The following SFXN5 variants were observed in gnomAD, a reference collection of about 807,000 sequenced individuals.
SFXN5 encodes sideroflexin-5.
A neutral mutation model predicts 50.2 loss-of-function variants in SFXN5; 43 were observed. That is an observed-to-expected ratio of 0.86 (90% CI 0.67 to 1.11). The LOEUF is 1.11. SFXN5 is among the 50% of genes least tolerant of loss of function. The probability of loss-of-function intolerance (pLI) is 0.00; values close to 1 mark genes in which losing one functional copy is unlikely to be tolerated. For missense variants in SFXN5, 463 were observed against 454.1 expected (o/e 1.02, Z -0.18); for synonymous variants, 203 against 185.8 (o/e 1.09, Z -0.75).
intron 13 of SFXN5, among the ~76,000 whole-genome samples, chr2:72,949,315 C>T (rs1412453745): frequency 6.6e-6 from 1 of 152,006 alleles, no homozygotes; most frequent in East Asian, 1.9e-4. Context: ...TGGACCATAA[C>T]CCAGCCTCTG....
intron 3 of SFXN5, among the ~76,000 whole-genome samples, chr2:73,030,936 A>T (rs1678227238): frequency 6.6e-6 from 1 of 152,222 alleles, no homozygotes; most frequent in Non-Finnish European, 1.5e-5. Flanking sequence ...AGAGTTTTTT[A>T]AAAATTCCTA....
chr2:72,995,197 G>A (rs1299163219), intron 9 of SFXN5, among the ~76,000 whole-genome samples: 1 of 152,198 alleles, frequency 6.6e-6, no homozygotes, highest in Non-Finnish European at 1.5e-5. Flanking sequence ...TGTAGCCGGG[G>A]CCCAGGGAGG....
intron 2 of SFXN5, among the ~76,000 whole-genome samples, chr2:73,047,355 GTATATATGTA>G (rs1285900881): frequency 3.5e-4 from 48 of 135,294 alleles, no homozygotes; most frequent in African/African-American, 7.9e-4. Context: ...ATATATATGT[GTATATATGTA>G]TATATATGTA....
At chr2:72,996,559 A>T (rs1574067967) in intron 9 of SFXN5, 1 of 132,300 alleles carries the variant, frequency 7.6e-6, no homozygotes, top group Middle Eastern at 5.0e-3. Context: ...CCCAGTCTGG[A>T]GTGCAGGGGC....
At chr2:73,028,248 C>A (rs1161445145) in intron 3 of SFXN5, among the ~76,000 whole-genome samples, 1 of 152,208 alleles carries the variant, frequency 6.6e-6, no homozygotes, top group Non-Finnish European at 1.5e-5. Flanking sequence ...GTATCTTTAT[C>A]TTTGAATTTG....
At chr2:72,964,929 G>C (rs376300332) in intron 12 of SFXN5, among the ~76,000 whole-genome samples, 2 of 152,346 alleles carry the variant, frequency 1.3e-5, no homozygotes, top group East Asian at 1.9e-4. Flanking sequence ...GATACGGAAG[G>C]GGGGAAGGGA....
intron 12 of SFXN5, among the ~76,000 whole-genome samples, chr2:72,967,559 G>T (rs759763321): frequency 6.6e-6 from 1 of 152,126 alleles, no homozygotes; most frequent in South Asian, 2.1e-4. Flanking sequence ...TTCATACTGC[G>T]GGAATAAGAA....
At chr2:72,966,062 C>T (rs958198675) in intron 12 of SFXN5, among the ~76,000 whole-genome samples, 5 of 152,164 alleles carry the variant, frequency 3.3e-5, no homozygotes, top group Non-Finnish European at 5.9e-5. Flanking sequence ...AGGGTGGAAA[C>T]CCCAGGGTGG....
chr2:72,987,980 G>A (rs1025531952), intron 10 of SFXN5, among the ~76,000 whole-genome samples: 9 of 152,220 alleles, frequency 5.9e-5, no homozygotes, highest in African/African-American at 2.2e-4. Context: ...TCTTTTCCCT[G>A]ACCAAGCTCA....
chr2:72,967,738 C>T (rs187902142), intron 12 of SFXN5, among the ~76,000 whole-genome samples: 2 of 152,262 alleles, frequency 1.3e-5, no homozygotes, highest in East Asian at 1.9e-4. Context: ...CTCCAGGCCC[C>T]CTCCACCTAG....
intron 6 of SFXN5, among the ~76,000 whole-genome samples, chr2:73,010,868 T>C (rs1335213097): frequency 6.6e-6 from 1 of 152,172 alleles, no homozygotes; most frequent in African/African-American, 2.4e-5. Context: ...ACATATCAGA[T>C]ATAGCCATGT....
chr2:73,069,487 C>A (rs1485351204), intron 1 of SFXN5, among the ~76,000 whole-genome samples: 1 of 152,142 alleles, frequency 6.6e-6, no homozygotes, highest in Non-Finnish European at 1.5e-5. Flanking sequence ...GCCAGGGAGC[C>A]ATGCGGGAGG....
chr2:73,034,491 G>A (rs1359242793), intron 3 of SFXN5, among the ~76,000 whole-genome samples: 3 of 152,204 alleles, frequency 2.0e-5, no homozygotes, highest in Admixed American at 6.5e-5. Flanking sequence ...TTGCATCCCA[G>A]CAGCTCTTTC....
chr2:73,001,593 G>C lies in SFXN5; in HGVS notation c.358-15C>G. 1 of 1,613,942 alleles carries C rather than the reference G, an allele frequency of 6.2e-7. No individual in the cohort carries two copies. Among genetic ancestry groups the C allele is most frequent in the Non-Finnish European group, 8.5e-7 (1 of 1,179,850 alleles). ...AGACCGACTACCTATGAGCAAGAGA[G>C]AAGAAATGCTGAAAAAGGCAGAAGA... On this transcript the variant is annotated splice_polypyrimidine_tract_variant and intron_variant, in intron 6 of 13. Transcript: ENST00000272433.
At chr2:72,971,800 G>A (rs1670037030) in intron 10 of SFXN5, 115 bp from the exon 11 acceptor site, 2 of 756,604 alleles carry the variant, frequency 2.6e-6, no homozygotes, top group Admixed American at 2.2e-5. Context: ...TCAAATGCAT[G>A]GGCAAAGGTT....
chr2:72,958,806 C>T (rs1673385774), intron 13 of SFXN5, among the ~76,000 whole-genome samples: 1 of 152,152 alleles, frequency 6.6e-6, no homozygotes, highest in Admixed American at 6.5e-5. Context: ...AGGAGCATCC[C>T]AGCACCCATG....
At chr2:73,055,981 T>C (rs1178433264) in intron 2 of SFXN5, among the ~76,000 whole-genome samples, 2 of 152,002 alleles carry the variant, frequency 1.3e-5, no homozygotes, top group African/African-American at 4.8e-5. Context: ...TCTGCTAAAA[T>C]ACAAAAATTA....
intron 3 of SFXN5, among the ~76,000 whole-genome samples, chr2:73,031,100 G>C (rs1472787220): frequency 6.6e-6 from 1 of 152,166 alleles, no homozygotes; most frequent in Non-Finnish European, 1.5e-5. Context: ...ACCACAAACT[G>C]TCCAATAAAA....
At chr2:72,993,324 A>G (rs1046537452) in intron 9 of SFXN5, among the ~76,000 whole-genome samples, 3 of 152,176 alleles carry the variant, frequency 2.0e-5, no homozygotes, top group Non-Finnish European at 4.4e-5. Context: ...ATGGAGGTCA[A>G]TTGTTCCCCA....
Sources: allele counts gnomAD v4.1 joint callset (sites outside exome capture counted in the v4.1 genomes callset), GRCh38; gene constraint gnomAD v4.1.1; transcripts MANE v1.5; gene names NCBI Gene and HGNC (gene_info 2026-07-23, HGNC 2026-07-21).